SMG6: variants seen among roughly 807,000 people sequenced by gnomAD.
The protein encoded by SMG6 is telomerase-binding protein EST1A.
In SMG6, 66 loss-of-function variants were observed where a neutral mutation model predicts 142.2. The observed-to-expected ratio is 0.46, with a 90% CI of 0.38 to 0.57. The LOEUF (loss-of-function observed/expected upper bound fraction) is 0.57. Ranked by LOEUF, SMG6 falls within the 20% of genes least tolerant of loss-of-function variation. The pLI, the probability that SMG6 is intolerant of heterozygous loss-of-function variation, is 0.00. For synonymous variants in SMG6, 779 were observed against 702.4 expected, an observed-to-expected ratio of 1.11 and a Z score of -1.72; for missense variants, 1,793 against 1,832.0, an observed-to-expected ratio of 0.98 and a Z score of 0.39.
Position 2,061,143 on chromosome 17 carries a change from C to A in SMG6, c.*349G>T, listed in dbSNP as rs1325280414. The stretch of plus-strand genomic sequence containing the variant: ...TCTCCACTGGAGAAAGTGGCTGCGT[C>A]CCCAGGCGAGAAGGCCCTCCCTCAG... On this transcript the variant is annotated 3_prime_UTR_variant, in exon 19 of 19. Coordinates refer to ENST00000263073, the MANE Select transcript of SMG6 (RefSeq NM_017575.5). 4.5e-6 allele frequency: 1 copy of A among 221,918 alleles called. No individual in the cohort carries two copies. The highest frequency in any genetic ancestry group is 9.2e-6 in the Non-Finnish European group (1 of 108,554). 13.7% of individuals were successfully genotyped at this position (221,918 alleles called of 1,614,324 possible).
At chr17:2,244,080 G>A (rs1436964033) in intron 9 of SMG6, among the ~76,000 whole-genome samples, 1 of 152,192 alleles carries the variant, frequency 6.6e-6, no homozygotes, top group African/African-American at 2.4e-5. Flanking sequence ...AAGCAGTCAA[G>A]TGTTAGTTTT....
chr17:2,248,401 A>G (rs2073969904), intron 8 of SMG6, among the ~76,000 whole-genome samples: 1 of 152,150 alleles, frequency 6.6e-6, no homozygotes, highest in Admixed American at 6.5e-5. Context: ...GGAAACTCAT[A>G]CTGTTTGAAC....
intron 9 of SMG6, among the ~76,000 whole-genome samples, chr17:2,239,643 G>A (rs1280977047): frequency 1.3e-5 from 2 of 152,240 alleles, no homozygotes; most frequent in South Asian, 2.1e-4. Context: ...TTATCTCTAG[G>A]TGGTAGGAAT....
At chr17:2,276,676 G>A (rs1002329354) in intron 8 of SMG6, among the ~76,000 whole-genome samples, 1 of 152,024 alleles carries the variant, frequency 6.6e-6, no homozygotes, top group Admixed American at 6.6e-5. Flanking sequence ...GTAAGCCACT[G>A]CACCTGGCCT....
intron 10 of SMG6, among the ~76,000 whole-genome samples, chr17:2,203,177 ATAAG>A (rs773486457): frequency 1.4e-4 from 22 of 152,312 alleles, no homozygotes; most frequent in African/African-American, 4.6e-4. Context: ...AAATAAATAA[ATAAG>A]TAAGTTGCCA....
At chr17:2,192,566 C>T (rs1335839187) in intron 10 of SMG6, among the ~76,000 whole-genome samples, 1 of 152,212 alleles carries the variant, frequency 6.6e-6, no homozygotes, top group Non-Finnish European at 1.5e-5. Flanking sequence ...CACCAATTCC[C>T]TCCCCACTGT....
intron 10 of SMG6, among the ~76,000 whole-genome samples, chr17:2,211,757 A>C (rs895466538): frequency 6.6e-6 from 1 of 152,114 alleles, no homozygotes; most frequent in African/African-American, 2.4e-5. Flanking sequence ...GACACATAGA[A>C]GGAATATACA....
rs910087535 is a variant in SMG6, at chr17:2,088,847, A to G, written c.3358-2946T>C. The G allele has an allele frequency of 4.1e-6, 4 of 985,240 alleles. No homozygotes were observed. In the African/African-American group the frequency reaches 5.2e-5, roughly 13 times the overall value. The allele number at this position is 985,240 out of a possible 1,614,324, so 61.0% of individuals were successfully genotyped here. On this transcript the variant is annotated intron_variant, in intron 13 of 18. Coordinates refer to ENST00000263073, the MANE Select transcript of SMG6 (RefSeq NM_017575.5). ...AGCATTCTGTCTTAACTTGGGGGGA[A>G]TAAGCCCACTGGGGAGAGGACCACC...
At chr17:2,283,804 T>G in intron 6 of SMG6, 69 bp from the exon 7 acceptor site, 1 of 1,216,028 alleles carries the variant, frequency 8.2e-7, no homozygotes, top group Non-Finnish European at 1.2e-6. Context: ...GGCAGCTGAC[T>G]CAGGAAACCC....
chr17:2,231,415 A>G (rs2073488807), intron 10 of SMG6, among the ~76,000 whole-genome samples: 1 of 152,154 alleles, frequency 6.6e-6, no homozygotes, highest in Non-Finnish European at 1.5e-5. Flanking sequence ...AGCAAGCATA[A>G]GGCTGGGTGC....
chr17:2,239,592 GA>G (rs1230909698), intron 9 of SMG6, among the ~76,000 whole-genome samples: 1 of 151,884 alleles, frequency 6.6e-6, no homozygotes, highest in Admixed American at 6.6e-5. Flanking sequence ...TGATATGTAG[GA>G]AAAAAATTGA....
intron 8 of SMG6, among the ~76,000 whole-genome samples, chr17:2,267,807 G>A (rs1159761910): frequency 6.6e-6 from 1 of 150,768 alleles, no homozygotes; most frequent in East Asian, 2.0e-4. Context: ...GAGTGCCGTG[G>A]CGCGATCTCG....
At chr17:2,067,813 C>T (rs1322822515) in intron 16 of SMG6, among the ~76,000 whole-genome samples, 1 of 152,136 alleles carries the variant, frequency 6.6e-6, no homozygotes, top group South Asian at 2.1e-4. Context: ...TGTTTCCACC[C>T]CCATCTGGCA....
At chr17:2,127,727 C>T (rs1454312267) in intron 13 of SMG6, 2 of 562,372 alleles carry the variant, frequency 3.6e-6, no homozygotes, top group South Asian at 1.4e-5. Context: ...TCATCCATTA[C>T]TTGTTTTAAC....
intron 13 of SMG6, among the ~76,000 whole-genome samples, chr17:2,139,661 T>C (rs771435329): frequency 6.6e-5 from 10 of 151,968 alleles, no homozygotes; most frequent in Non-Finnish European, 1.5e-4. Flanking sequence ...CCGCAAGTGA[T>C]CTGTCTGCCT....
intron 13 of SMG6, among the ~76,000 whole-genome samples, chr17:2,152,443 A>G (rs1241835969): frequency 6.6e-6 from 1 of 152,208 alleles, no homozygotes; most frequent in Non-Finnish European, 1.5e-5. Flanking sequence ...AAATATCTGC[A>G]ATGCATTTGT....
At position 2,061,506 on chromosome 17, in the gene SMG6, C is replaced by A; in HGVS notation, c.4246G>T (p.Ala1416Ser). The change falls in exon 19 of 19, where the codon GCC (alanine) becomes TCC (serine). Residue 1416 changes from alanine to serine, a missense_variant. Physicochemically the swap from Ala to Ser is moderately conservative, Grantham distance 99 (BLOSUM62 1). Around this residue, in one of 3 missense-constraint regions of SMG6, gnomAD observed 179 missense variants for 212.6 expected, o/e 0.84. Transcript: ENST00000263073. ...VRDIPAFLTW[A>S]QVG ...GTGTGGCTCCCTCAGCCCACCTGGG[C>A]CCACGTGAGGAAGGCTGGGATGTCC... 6.4e-7 allele frequency: 1 copy of A among 1,573,042 alleles called. No individual in the cohort carries two copies. Among genetic ancestry groups the A allele is most frequent in the Non-Finnish European group, 8.6e-7 (1 of 1,160,268 alleles).
intron 15 of SMG6, among the ~76,000 whole-genome samples, chr17:2,078,292 T>C (rs1379969785): frequency 6.6e-6 from 1 of 152,118 alleles, no homozygotes; most frequent in Non-Finnish European, 1.5e-5. Context: ...GAATAAATAG[T>C]ATTTAATATG....
intron 13 of SMG6, among the ~76,000 whole-genome samples, chr17:2,126,660 G>A (rs2151532961): frequency 6.7e-6 from 1 of 149,310 alleles, no homozygotes; most frequent in South Asian, 2.1e-4. Context: ...AGGTTGCAGT[G>A]AGCCAAGATC....
Sources: allele counts gnomAD v4.1 joint callset (sites outside exome capture counted in the v4.1 genomes callset), GRCh38; gene constraint gnomAD v4.1.1; regional missense constraint gnomAD v4.1.1; transcripts MANE v1.5; gene names NCBI Gene and HGNC (gene_info 2026-07-23, HGNC 2026-07-21).